OVGP1: variants seen among roughly 807,000 people sequenced by gnomAD.
OVGP1 encodes the protein oviductal glycoprotein 1.
A neutral mutation model predicts 48.2 loss-of-function variants in OVGP1; 26 were observed. The ratio of observed to expected loss-of-function variants is 0.54; its 90% CI spans 0.40 to 0.75. OVGP1 has a LOEUF of 0.75. OVGP1 is among the 30% of genes least tolerant of loss of function. The pLI, the probability that OVGP1 is intolerant of heterozygous loss-of-function variation, is 0.00. For missense variants in OVGP1, 791 were observed against 820.6 expected (o/e 0.96, Z 0.44); for synonymous variants, 294 against 305.7 (o/e 0.96, Z 0.40).
rs543699926 is a variant in OVGP1 at position 111,427,047 on chromosome 1, A to G, written c.55+15T>C. The G allele has an allele frequency of 6.2e-7, 1 of 1,612,246 alleles. No homozygotes were observed. Among genetic ancestry groups the G allele is most frequent in the South Asian group, 1.1e-5 (1 of 89,412 alleles). ...ACTCTCCCTGGCTCTGGAAGGGAAA[A>G]CACAGTTTCCTTACCATCGTGGTGT... On this transcript the variant is annotated intron_variant, in intron 2 of 10. Coordinates refer to ENST00000369732, the MANE Select transcript of OVGP1 (RefSeq NM_002557.4).
chr1:111,416,180 G>A (rs1652129670), intron 10 of OVGP1, 143 bp downstream of exon 10: 2 of 846,970 alleles, frequency 2.4e-6, no homozygotes, highest in African/African-American at 1.7e-5. Context: ...ACAAAGACTG[G>A]AAAACATATT....
Position 111,426,625 on chromosome 1 carries a change from G to A in OVGP1, c.72C>T (p.Leu24=), listed in dbSNP as rs1652404733. 10 of 1,613,778 alleles carry A rather than the reference G, an allele frequency of 6.2e-6. No individual in the cohort carries two copies. Among genetic ancestry groups the A allele is most frequent in the African/African-American group, 1.3e-5 (1 of 74,894 alleles). ...LKHHDGAAHK[L]VCYFTNWAHS... ...GTGCCCAGTTGGTGAAATAACACAC[G>A]AGTTTATGGGCAGCACCTGGTAAGG... The change falls in exon 3 of 11, where the codon CTC becomes CTT. Residue 24 remains leucine (L), a synonymous_variant. Transcript: ENST00000369732.
rs1014773747 is a variant in OVGP1, at chr1:111,414,391, G to A, written c.*73C>T. On this transcript the variant is annotated 3_prime_UTR_variant, in exon 11 of 11. Transcript: ENST00000369732. Reference sequence around the variant, plus strand: ...GGTTTTGATGCCTGCTTTGCCCCGGGATGAGAAGGCTTCCAACATGTCACT... The same window carrying A: ...GGTTTTGATGCCTGCTTTGCCCCGGAATGAGAAGGCTTCCAACATGTCACT... 5.8e-6 allele frequency: 8 copies of A among 1,374,802 alleles called. No homozygotes were observed. The African/African-American group carries it at 7.3e-5, about 13-fold the overall frequency. 85.2% of individuals were successfully genotyped at this position (1,374,802 alleles called of 1,614,324 possible). A position where few individuals can be genotyped will look rare whatever the true frequency, so the allele number is the denominator to read the frequency against.
intron 6 of OVGP1, among the ~76,000 whole-genome samples, chr1:111,422,141 T>C (rs935351543): frequency 2.0e-5 from 3 of 152,220 alleles, no homozygotes; most frequent in Admixed American, 1.3e-4. Context: ...GTAGTGTAAC[T>C]ATCTCCATTT....
At position 111,415,319 on chromosome 1, in the gene OVGP1, T is replaced by G. The variant is rs767795483; in HGVS notation, c.1182A>C (p.Gln394His). The G allele has an allele frequency of 1.2e-6, 2 of 1,611,526 alleles. No homozygotes were observed. The highest frequency in any genetic ancestry group is 2.7e-5 in the African/African-American group (2 of 74,914). The change falls in exon 11 of 11, where the codon CAA (glutamine) becomes CAC (histidine). Residue 394 changes from glutamine to histidine, a missense_variant. Transcript: ENST00000369732. ...AATTCACAGCAGATGACAGCCAAAA[T>G]TGTGGTAAAGAAGTTGAACTGAACT... Reference protein sequence around the residue: ...RAEFSSTSLPQFWLSSAVNSS... With the variant: ...RAEFSSTSLPHFWLSSAVNSS...
At chr1:111,415,535 G>A (rs991169616) in intron 10 of OVGP1, among the ~76,000 whole-genome samples, 191 bp from the exon 11 acceptor site, 2 of 152,014 alleles carry the variant, frequency 1.3e-5, no homozygotes, top group Non-Finnish European at 1.5e-5. Context: ...TCCAGACCCC[G>A]CCATGTTCAC....
chr1:111,421,825 C>T, intron 6 of OVGP1, 152 bp from the exon 7 acceptor site: 1 of 607,550 alleles, frequency 1.6e-6, no homozygotes, highest in Non-Finnish European at 2.9e-6. Context: ...CTGTGCTATC[C>T]ACCTGCCACT....
intron 9 of OVGP1, among the ~76,000 whole-genome samples, chr1:111,418,186 C>G (rs1033015215): frequency 6.6e-6 from 1 of 152,158 alleles, no homozygotes; most frequent in Non-Finnish European, 1.5e-5. Context: ...CTTCATGTCT[C>G]CTCACCTAGT....
In OVGP1 at chr1:111,416,363, G is replaced by A. The variant is rs2101722339; in HGVS notation, c.1116C>T (p.Phe372=). 1.9e-6 allele frequency: 3 copies of A among 1,606,324 alleles called. No homozygotes were observed. The highest frequency in any genetic ancestry group is 3.3e-4 in the Middle Eastern group (2 of 6,050). ...VRGTFCGTGP[F]PLVYVLNDIL... ...TATCATTCAATACGTAGACAAGGGG[G>A]AAAGGGCCAGTGCCACAGAACGTGC... Residue 372 remains phenylalanine (F), a synonymous_variant, in exon 10 of 11, where the codon TTC becomes TTT. Transcript: ENST00000369732.
At chr1:111,422,829 G>A (rs2101727167) in intron 6 of OVGP1, 98 bp downstream of exon 6, 1 of 1,437,090 alleles carries the variant, frequency 7.0e-7, no homozygotes, top group Non-Finnish European at 9.7e-7. Flanking sequence ...CAGGCACACG[G>A]TGAGCTCAAA....
intron 9 of OVGP1, chr1:111,416,779 A>T (rs999609745): frequency 5.0e-6 from 1 of 201,632 alleles, no homozygotes; most frequent in African/African-American, 2.3e-5. Context: ...TGCTAAGTGA[A>T]ATAAGCCAGG....
At position 111,419,709 on chromosome 1, in the gene OVGP1, CCAGA is replaced by C. The variant is rs1170149383; in HGVS notation, c.917_920del (p.Val306GlyfsTer38). ...AATCAATCCAGTGCTTCTTCGCTCC[CCAGA>C]CAAAGGAACAAATCTGCCAAGAGGA... On this transcript the variant is annotated frameshift_variant, in exon 9 of 11. Transcript: ENST00000369732. LOFTEE classifies it high-confidence loss of function. 1 of 1,611,902 alleles carries C rather than the reference CCAGA, an allele frequency of 6.2e-7. No homozygotes were observed. The highest frequency in any genetic ancestry group is 1.3e-5 in the African/African-American group (1 of 74,854).
intron 10 of OVGP1, among the ~76,000 whole-genome samples, chr1:111,415,550 C>T (rs915635589): frequency 5.3e-5 from 8 of 152,160 alleles, no homozygotes; most frequent in South Asian, 2.1e-4. Context: ...GTTCACAGGT[C>T]CCAGACACCC....
intron 6 of OVGP1, 123 bp from the exon 7 acceptor site, chr1:111,421,796 C>T: frequency 1.6e-6 from 1 of 644,694 alleles, no homozygotes. Flanking sequence ...GCTCCTTCTG[C>T]CTGTGGGGCC....
chr1:111,416,279 G>A lies in OVGP1; in HGVS notation c.1156+44C>T, dbSNP rs766065552. On this transcript the variant is annotated intron_variant, in intron 10 of 10. Transcript: ENST00000369732. Reference sequence around the variant, plus strand: ...GCAGAAGGGCCTTACCCAGTGCTTGGTTATGCAACTTCCAACCCCAGCTTC... The same window carrying A: ...GCAGAAGGGCCTTACCCAGTGCTTGATTATGCAACTTCCAACCCCAGCTTC... 8 of 1,521,756 alleles carry A rather than the reference G, an allele frequency of 5.3e-6. No homozygotes were observed. In the South Asian group the frequency reaches 1.1e-4, roughly 20 times the overall value. 94.3% of individuals were successfully genotyped at this position (1,521,756 alleles called of 1,614,324 possible).
Position 111,423,662 on chromosome 1 carries a change from C to A in OVGP1, c.364G>T (p.Ala122Ser), listed in dbSNP as rs747599135. ...STFANREKFI[A>S]SVISLLRTHD... is the part of the protein sequence containing the mutation. ...GTCCTCAGAAGGGATATAACTGAAGCAATAAACTTTTCACGGTTGGCAAAT... is the reference window on the plus strand; with the variant it reads ...GTCCTCAGAAGGGATATAACTGAAGAAATAAACTTTTCACGGTTGGCAAAT... Residue 122 changes from alanine (A) to serine (S), a missense_variant, in exon 5 of 11, where the codon GCT (alanine) becomes TCT (serine). By Grantham distance (99) the Ala-to-Ser change is moderately conservative (BLOSUM62 1). Coordinates refer to ENST00000369732, the MANE Select transcript of OVGP1 (RefSeq NM_002557.4). 1 of 1,614,106 alleles carries A rather than the reference C, an allele frequency of 6.2e-7. No individual in the cohort carries two copies. The highest frequency in any genetic ancestry group is 8.5e-7 in the Non-Finnish European group (1 of 1,179,988).
rs10067 is a variant in OVGP1, at chr1:111,414,689, G to C, written c.1812C>G (p.His604Gln). The C allele has an allele frequency of 0.12, 188,740 of 1,613,860 alleles. 17,924 individuals carry two copies. Among genetic ancestry groups the C allele is most frequent in the East Asian group, 0.41 (18,346 of 44,846 alleles). Residue 604 changes from histidine (H) to glutamine (Q), a missense_variant, in exon 11 of 11, where the codon CAC (histidine) becomes CAG (glutamine). His to Gln is a conservative substitution (Grantham distance 24, BLOSUM62 0). Coordinates refer to ENST00000369732, the MANE Select transcript of OVGP1 (RefSeq NM_002557.4). ...GAAGACCCAAGTTACCCATCCTGGG[G>C]TGAGTGCCCACCTCAGAAGTCAAAT... ...GENLTSEVGT[H>Q]PRMGNLGLQM...
In OVGP1 at chr1:111,421,354, A is replaced by T; in HGVS notation, c.825T>A (p.Asn275Lys). 1 of 1,614,146 alleles carries T rather than the reference A, an allele frequency of 6.2e-7. No homozygotes were observed. Residue 275 changes from asparagine (N) to lysine (K), a missense_variant, in exon 8 of 11, where the codon AAT becomes AAA. Asn to Lys is a moderately conservative substitution (Grantham distance 94). Transcript: ENST00000369732. ...RTFRLLKASK[N>K]GLQARAIGPA... ...GTCCGATCGCTCTGGCCTGCAACCC[A>T]TTCTTAGAGGCTTTGAGGAGGCGAA...
At chr1:111,424,001 T>C (rs1156850628) in intron 4 of OVGP1, among the ~76,000 whole-genome samples, 1 of 152,184 alleles carries the variant, frequency 6.6e-6, no homozygotes, top group Non-Finnish European at 1.5e-5. Flanking sequence ...GCCTGGGGTG[T>C]GGAGAAATGG....
Sources: allele counts gnomAD v4.1 joint callset (sites outside exome capture counted in the v4.1 genomes callset), GRCh38; gene constraint gnomAD v4.1.1; transcripts MANE v1.5; gene names NCBI Gene and HGNC (gene_info 2026-07-23, HGNC 2026-07-21).